The following TXNDC11 variants were observed in gnomAD, a reference collection of about 807,000 sequenced individuals.
TXNDC11 encodes the protein thioredoxin domain-containing protein 11.
In TXNDC11, 68 loss-of-function variants were observed where a neutral mutation model predicts 78.0. The observed-to-expected ratio is 0.87, with a 90% confidence interval of 0.72 to 1.07. The LOEUF is 1.07. Ranked by LOEUF, TXNDC11 falls within the 50% of genes least tolerant of loss-of-function variation. The pLI is 0.00. For missense variants in TXNDC11, 1,389 were observed against 1,221.8 expected, an observed-to-expected ratio of 1.14 and a Z score of -2.04; for synonymous variants, 571 against 495.2, an observed-to-expected ratio of 1.15 and a Z score of -2.03.
At chr16:11,741,767 T>C (rs546573809) in intron 1 of TXNDC11, 16 of 152,350 alleles carry the variant, frequency 1.1e-4, no homozygotes, top group African/African-American at 3.9e-4. Flanking sequence ...GGTGCGGGGC[T>C]CTCGCCTGTA....
chr16:11,700,717 T>C (rs2050989464), intron 5 of TXNDC11, among the ~76,000 whole-genome samples, 153 bp from the exon 6 acceptor site: 1 of 152,118 alleles, frequency 6.6e-6, no homozygotes, highest in Non-Finnish European at 1.5e-5. Context: ...CTGAGGAACC[T>C]CTCCTCCTGA....
intron 2 of TXNDC11, among the ~76,000 whole-genome samples, chr16:11,735,421 T>C (rs945306960): frequency 1.3e-5 from 2 of 152,230 alleles, no homozygotes; most frequent in Non-Finnish European, 2.9e-5. Context: ...TGAAATTACA[T>C]GTATAGGAAA....
chr16:11,695,623 C>T (rs1391763033), intron 7 of TXNDC11, among the ~76,000 whole-genome samples: 9 of 152,156 alleles, frequency 5.9e-5, no homozygotes, highest in Non-Finnish European at 1.3e-4. Context: ...TTCCACCCTC[C>T]ACCTCTACCA....
chr16:11,685,717 A>C lies in TXNDC11; in HGVS notation c.2154-1472T>G, dbSNP rs541175838. The stretch of plus-strand genomic sequence containing the variant: ...CATAACCAAATGAAAACCATTTACC[A>C]AAAGTTTACTAACAAAACAGCACTC... On this transcript the variant is annotated intron_variant, in intron 10 of 11. Transcript: ENST00000283033. Among the ~76,000 whole-genome samples the C allele has an allele frequency of 7.9e-5, 12 of 152,214 alleles. No homozygotes were observed. The East Asian group carries it at 2.3e-3, about 29-fold the overall frequency.
At chr16:11,690,682 A>T (rs1468805441) in intron 8 of TXNDC11, 1 of 151,870 alleles carries the variant, frequency 6.6e-6, no homozygotes, top group African/African-American at 2.4e-5. Flanking sequence ...CCTCCCGAGT[A>T]GCTGGGACTA....
At chr16:11,702,889 C>A (rs777657459) in intron 5 of TXNDC11, among the ~76,000 whole-genome samples, 1 of 152,126 alleles carries the variant, frequency 6.6e-6, no homozygotes, top group Admixed American at 6.5e-5. Flanking sequence ...TATGTCCCTA[C>A]TGCCAGAGTC....
chr16:11,735,962 G>T (rs1329938456), intron 2 of TXNDC11, 55 bp downstream of exon 2: 3 of 1,553,100 alleles, frequency 1.9e-6, no homozygotes, highest in Non-Finnish European at 2.7e-6. Context: ...GGGACATCCT[G>T]CCCTACATAT....
At chr16:11,721,904 C>T (rs2051718494) in intron 4 of TXNDC11, among the ~76,000 whole-genome samples, 1 of 152,124 alleles carries the variant, frequency 6.6e-6, no homozygotes, top group Non-Finnish European at 1.5e-5. Flanking sequence ...CAGGATTGTA[C>T]AGTGGTCATT....
At chr16:11,725,958 G>A (rs1050311486) in intron 4 of TXNDC11, among the ~76,000 whole-genome samples, 5 of 151,984 alleles carry the variant, frequency 3.3e-5, no homozygotes, top group Non-Finnish European at 7.4e-5. Context: ...TCACTGTAAC[G>A]CCAAACTCCT....
chr16:11,692,421 T>C (rs1374821792), intron 7 of TXNDC11, among the ~76,000 whole-genome samples: 1 of 152,024 alleles, frequency 6.6e-6, no homozygotes, highest in Non-Finnish European at 1.5e-5. Context: ...ACCCTTTATT[T>C]ATTAGAAGGG....
In TXNDC11 at chr16:11,703,821, G is replaced by T. The variant is rs908983007; in HGVS notation, c.794-3257C>A. Reference sequence around the variant, plus strand: ...GAAGTAAAGAAGTGGGCTGGGCATGGTGGCTCACGCCTGTAATCCCAGCAC... The same window carrying T: ...GAAGTAAAGAAGTGGGCTGGGCATGTTGGCTCACGCCTGTAATCCCAGCAC... On this transcript the variant is annotated intron_variant, in intron 5 of 11. Transcript: ENST00000283033. The T allele has an allele frequency of 2.9e-5, 20 of 680,154 alleles. No individual in the cohort carries two copies. In the Admixed American group the frequency reaches 3.9e-4, roughly 13 times the overall value. 42.1% of individuals were successfully genotyped at this position (680,154 alleles called of 1,614,324 possible).
chr16:11,738,196 T>C (rs1049370323), intron 1 of TXNDC11, among the ~76,000 whole-genome samples: 5 of 152,234 alleles, frequency 3.3e-5, no homozygotes, highest in Admixed American at 6.5e-5. Flanking sequence ...AAAGAGTACA[T>C]GCACTATGAC....
chr16:11,714,429 G>A (rs1297033289), intron 5 of TXNDC11, among the ~76,000 whole-genome samples: 1 of 152,068 alleles, frequency 6.6e-6, no homozygotes, highest in African/African-American at 2.4e-5. Flanking sequence ...TCACGAGGTC[G>A]GGGATCAAGA....
At chr16:11,690,376 C>A (rs923368362) in intron 8 of TXNDC11, among the ~76,000 whole-genome samples, 1 of 152,220 alleles carries the variant, frequency 6.6e-6, no homozygotes, top group Non-Finnish European at 1.5e-5. Context: ...TGGTTTGCGA[C>A]TGACACTTAT....
At chr16:11,695,459 G>C (rs773500138) in intron 7 of TXNDC11, among the ~76,000 whole-genome samples, 1 of 151,458 alleles carries the variant, frequency 6.6e-6, no homozygotes, top group African/African-American at 2.5e-5. Flanking sequence ...AGGTGGTAAT[G>C]AAAAAGTAAA....
rs561760763 is a variant in TXNDC11 at position 11,679,578 on chromosome 16, G to A, written c.2494C>T (p.Arg832Cys). The A allele has an allele frequency of 1.5e-5, 24 of 1,614,004 alleles. No homozygotes were observed. The highest frequency in any genetic ancestry group is 4.5e-5 in the East Asian group (2 of 44,890). Residue 832 changes from arginine to cysteine, a missense_variant, in exon 12 of 12, where the codon CGC becomes TGC. Coordinates refer to ENST00000283033, the MANE Select transcript of TXNDC11 (RefSeq NM_015914.7). This position sits in a 1 kb window ranked among gnomAD's most constrained non-coding sequence, Gnocchi z 4.6. ...VQVESQLSSA[R>C]RDEHRLRQQQ... Reference sequence around the variant, plus strand: ...TGCCGCAGCCGGTGCTCATCTCTGCGGGCACTGGAGAGCTGGGACTCCACC... The same window carrying A: ...TGCCGCAGCCGGTGCTCATCTCTGCAGGCACTGGAGAGCTGGGACTCCACC...
intron 5 of TXNDC11, among the ~76,000 whole-genome samples, chr16:11,704,620 T>C (rs560179275): frequency 6.6e-6 from 1 of 152,304 alleles, no homozygotes; most frequent in Admixed American, 6.5e-5. Flanking sequence ...TTCTATGGTA[T>C]TGCTGTCAAA....
chr16:11,703,612 T>C, intron 5 of TXNDC11: 1 of 695,396 alleles, frequency 1.4e-6, no homozygotes, highest in Non-Finnish European at 2.6e-6. Context: ...ATACACTTCC[T>C]AGTTCTATCT....
At chr16:11,720,597 A>G (rs549390543) in intron 5 of TXNDC11, among the ~76,000 whole-genome samples, 85 of 151,942 alleles carry the variant, frequency 5.6e-4, no homozygotes, top group African/African-American at 2.0e-3. Context: ...TTGTATTTTT[A>G]GTAGAGACGG....
Sources: gnomAD v4.1 joint callset for allele counts (sites outside exome capture counted in the v4.1 genomes callset) on GRCh38, gnomAD v4.1.1 for gene constraint, Gnocchi (gnomAD v3.1) non-coding constraint, MANE v1.5 for transcripts, NCBI Gene and HGNC (gene_info 2026-07-23, HGNC 2026-07-21) for gene names.